The following CACNA2D3 variants were observed in gnomAD, a reference collection of about 807,000 sequenced individuals.
CACNA2D3 encodes the protein calcium voltage-gated channel auxiliary subunit alpha2delta 3.
Under a neutral mutation model 160.6 loss-of-function variants are expected in CACNA2D3, and 60 were observed. The observed-to-expected ratio is 0.37, with a 90% confidence interval of 0.30 to 0.46. The LOEUF is 0.46. CACNA2D3 is among the 20% of genes least tolerant of loss of function. CACNA2D3 has a pLI of 1.00. For missense variants in CACNA2D3, 1,205 were observed against 1,365.0 expected (o/e 0.88, Z 1.85); for synonymous variants, 558 against 492.9 (o/e 1.13, Z -1.75).
At chr3:54,685,110 C>G (rs1015228439) in intron 11 of CACNA2D3, among the ~76,000 whole-genome samples, 2 of 152,068 alleles carry the variant, frequency 1.3e-5, no homozygotes, top group Admixed American at 1.3e-4. Flanking sequence ...GCCTGTGGGG[C>G]ATATTTCTGA....
intron 35 of CACNA2D3, among the ~76,000 whole-genome samples, chr3:55,041,997 T>C (rs910669609): frequency 2.6e-5 from 4 of 152,194 alleles, no homozygotes; most frequent in Non-Finnish European, 1.5e-5. Flanking sequence ...ACTTCAACTC[T>C]GTTGTGGTTG....
chr3:54,691,484 GAA>G lies in CACNA2D3; in HGVS notation c.1167+49245_1167+49246del, dbSNP rs961494449. Among the ~76,000 whole-genome samples the G allele has an allele frequency of 7.9e-5, 12 of 152,304 alleles. No individual in the cohort carries two copies. The South Asian group carries it at 1.2e-3, about 16-fold the overall frequency. ...AGGCAATATTCAGTCAATGAGGAGAGAAAGAGAGGGGCAGTGATGGAAGACTG... is the reference window on the plus strand; with the variant it reads ...AGGCAATATTCAGTCAATGAGGAGAGAGAGAGGGGCAGTGATGGAAGACTG... On this transcript the variant is annotated intron_variant, in intron 11 of 37. Coordinates refer to ENST00000474759, the MANE Select transcript of CACNA2D3 (RefSeq NM_018398.3).
At position 54,679,518 on chromosome 3, in the gene CACNA2D3, A is replaced by G. The variant is rs535026016; in HGVS notation, c.1167+37277A>G. Reference sequence around the variant, plus strand: ...GTCCACACATGGTCAAGCTGCTTGCAGTTTTCCAGATTGTGGTAGGCCTCC... The same window carrying G: ...GTCCACACATGGTCAAGCTGCTTGCGGTTTTCCAGATTGTGGTAGGCCTCC... On this transcript the variant is annotated intron_variant, in intron 11 of 37. Transcript: ENST00000474759. Among the ~76,000 whole-genome samples the G allele has an allele frequency of 5.9e-5, 9 of 152,254 alleles. No homozygotes were observed. In the East Asian group the frequency reaches 1.5e-3, roughly 26 times the overall value.
chr3:54,176,390 C>T (rs867288912), intron 2 of CACNA2D3, among the ~76,000 whole-genome samples: 6 of 152,328 alleles, frequency 3.9e-5, no homozygotes, highest in East Asian at 3.9e-4. Context: ...TTTCTTTTCA[C>T]GTCCTTGAAG....
Position 54,413,892 on chromosome 3 carries a change from G to A in CACNA2D3, c.381+27118G>A, listed in dbSNP as rs570859824. Reference sequence around the variant, plus strand: ...CATCTGGTTCCTTTCTGTTTCTTTTGACTGCTTTTTCTTTTTAAGTCACTT... The same window carrying A: ...CATCTGGTTCCTTTCTGTTTCTTTTAACTGCTTTTTCTTTTTAAGTCACTT... On this transcript the variant is annotated intron_variant, in intron 4 of 37. Transcript: ENST00000474759. 1.3e-4 allele frequency among the ~76,000 whole-genome samples: 17 copies of A among 133,382 alleles called. No individual in the cohort carries two copies. The East Asian group carries it at 3.8e-3, about 30-fold the overall frequency. The allele number at this position is 133,382 out of a possible 152,430, so 87.5% of individuals were successfully genotyped here. A position where few individuals can be genotyped will look rare whatever the true frequency, so the allele number is the denominator to read the frequency against.
At chr3:54,656,993 A>G (rs1699885067) in intron 11 of CACNA2D3, among the ~76,000 whole-genome samples, 1 of 151,376 alleles carries the variant, frequency 6.6e-6, no homozygotes, top group Non-Finnish European at 1.5e-5. Context: ...TGAGTCCGAA[A>G]AGAGTCAGCC....
At chr3:54,790,807 A>G (rs529973937) in intron 13 of CACNA2D3, among the ~76,000 whole-genome samples, 15 of 152,206 alleles carry the variant, frequency 9.9e-5, no homozygotes, top group African/African-American at 3.4e-4. Flanking sequence ...CCTACAGTCC[A>G]CCATCCAGAA....
At position 55,033,822 on chromosome 3, in the gene CACNA2D3, T is replaced by C. The variant is rs953619187; in HGVS notation, c.2987+15505T>C. Among the ~76,000 whole-genome samples, 14 of 105,632 alleles carry C rather than the reference T, an allele frequency of 1.3e-4. 3 individuals are homozygous for C. The highest frequency in any genetic ancestry group is 2.5e-4 in the Non-Finnish European group (13 of 51,894). The allele number at this position is 105,632 out of a possible 152,430, so 69.3% of individuals were successfully genotyped here. A position where few individuals can be genotyped will look rare whatever the true frequency, so the allele number is the denominator to read the frequency against. On this transcript the variant is annotated intron_variant, in intron 35 of 37. Coordinates refer to ENST00000474759, the MANE Select transcript of CACNA2D3 (RefSeq NM_018398.3). ...TATATAATATGTATTATATATTAAATATATTTAATATATAATATATATTAC... is the reference window on the plus strand; with the variant it reads ...TATATAATATGTATTATATATTAAACATATTTAATATATAATATATATTAC...
At chr3:54,519,389 C>T (rs1402176174) in intron 5 of CACNA2D3, among the ~76,000 whole-genome samples, 1 of 152,180 alleles carries the variant, frequency 6.6e-6, no homozygotes, top group Non-Finnish European at 1.5e-5. Flanking sequence ...ATCCCATTCA[C>T]CCTCCACCAT....
chr3:54,726,752 C>T (rs1487539913), intron 11 of CACNA2D3, among the ~76,000 whole-genome samples: 1 of 152,150 alleles, frequency 6.6e-6, no homozygotes, highest in African/African-American at 2.4e-5. Flanking sequence ...ACACCTTATA[C>T]AAAAATCAAC....
chr3:54,805,379 G>A (rs967342637), intron 13 of CACNA2D3, among the ~76,000 whole-genome samples: 48 of 152,274 alleles, frequency 3.2e-4, no homozygotes, highest in African/African-American at 5.1e-4. Flanking sequence ...TATCACTACC[G>A]ATCCCACAGA....
intron 9 of CACNA2D3, among the ~76,000 whole-genome samples, chr3:54,610,439 CT>C (rs72127250): frequency 0.015 from 2,126 of 146,130 alleles, 51 homozygotes; most frequent in African/African-American, 0.047. Context: ...AATCATAATG[CT>C]TTTTTTTTTT....
At chr3:54,770,105 C>T (rs1702292620) in intron 13 of CACNA2D3, among the ~76,000 whole-genome samples, 1 of 152,196 alleles carries the variant, frequency 6.6e-6, no homozygotes, top group Admixed American at 6.5e-5. Context: ...ACACTTGCGG[C>T]TGCAGCTGTT....
chr3:54,676,383 T>G (rs1180490061), intron 11 of CACNA2D3, among the ~76,000 whole-genome samples: 1 of 152,178 alleles, frequency 6.6e-6, no homozygotes, highest in Non-Finnish European at 1.5e-5. Context: ...CTCCCAGCAC[T>G]TAGCATGGTT....
At chr3:54,470,253 C>A (rs1010845292) in intron 4 of CACNA2D3, among the ~76,000 whole-genome samples, 2 of 152,174 alleles carry the variant, frequency 1.3e-5, no homozygotes, top group Non-Finnish European at 2.9e-5. Flanking sequence ...CCCTATAAGC[C>A]AGAAGAGAGT....
chr3:55,062,789 T>C (rs946390146), intron 35 of CACNA2D3, among the ~76,000 whole-genome samples: 3 of 152,264 alleles, frequency 2.0e-5, no homozygotes, highest in African/African-American at 4.8e-5. Flanking sequence ...AAGTCTCTTA[T>C]TGGATCTCAC....
At chr3:54,991,708 A>G (rs1471427746) in intron 31 of CACNA2D3, among the ~76,000 whole-genome samples, 1 of 151,890 alleles carries the variant, frequency 6.6e-6, no homozygotes, top group Admixed American at 6.5e-5. Flanking sequence ...TTGAAATAAG[A>G]AGACTTCAGG....
Position 54,305,958 on chromosome 3 carries a change from C to G in CACNA2D3, c.205-14484C>G, listed in dbSNP as rs982350362. ...ATCCTGGACACTGACGATAATGACT[C>G]TAGACTCACCACTAGATCTCATTGT... On this transcript the variant is annotated intron_variant, in intron 2 of 37. Transcript: ENST00000474759. Among the ~76,000 whole-genome samples the G allele has an allele frequency of 6.6e-5, 10 of 152,294 alleles. 1 individual carries two copies. The highest frequency in any genetic ancestry group is 6.8e-3 in the Middle Eastern group (2 of 294).
At chr3:54,620,750 T>C (rs765138271) in intron 9 of CACNA2D3, among the ~76,000 whole-genome samples, 2 of 152,146 alleles carry the variant, frequency 1.3e-5, no homozygotes, top group Non-Finnish European at 2.9e-5. Context: ...CTGGGCGCTG[T>C]GAAGGGGCCC....
Sources: allele counts gnomAD v4.1 joint callset (sites outside exome capture counted in the v4.1 genomes callset), GRCh38; gene constraint gnomAD v4.1.1; transcripts MANE v1.5; gene names NCBI Gene and HGNC (gene_info 2026-07-23, HGNC 2026-07-21).